Variants in TPST2 observed in about 807,000 individuals in gnomAD.
TPST2 encodes the protein protein-tyrosine sulfotransferase 2.
TPST2 carries 16 observed loss-of-function variants against 27.8 expected under a neutral mutation model. The ratio of observed to expected loss-of-function variants is 0.58; its 90% CI spans 0.39 to 0.88. The LOEUF (loss-of-function observed/expected upper bound fraction) is 0.88. Among genes scored for constraint, TPST2 ranks in the 40% least tolerant of loss-of-function variants. The pLI is 0.00. For synonymous variants in TPST2, 229 were observed against 231.7 expected (o/e 0.99, Z 0.10); for missense variants, 464 against 543.1 (o/e 0.85, Z 1.45).
At chr22:26,527,548 C>T (rs1212787686) in intron 6 of TPST2, among the ~76,000 whole-genome samples, 1 of 152,220 alleles carries the variant, frequency 6.6e-6, no homozygotes, top group Non-Finnish European at 1.5e-5. Context: ...CTTTCCCCAC[C>T]CCTTAGTAGA....
At chr22:26,588,579 T>C (rs184139081) in intron 1 of TPST2, among the ~76,000 whole-genome samples, 1 of 152,172 alleles carries the variant, frequency 6.6e-6, no homozygotes, top group Non-Finnish European at 1.5e-5. Flanking sequence ...AAAGTTTGCA[T>C]GAGATTTTTA....
At chr22:26,558,166 C>CAT (rs918285630) in intron 1 of TPST2, among the ~76,000 whole-genome samples, 2 of 143,706 alleles carry the variant, frequency 1.4e-5, no homozygotes, top group African/African-American at 2.7e-5. Flanking sequence ...CACACACACA[C>CAT]ATATATATGT....
chr22:26,568,947 T>C (rs1227052756), intron 1 of TPST2, among the ~76,000 whole-genome samples: 2 of 143,768 alleles, frequency 1.4e-5, no homozygotes, highest in African/African-American at 2.6e-5. Flanking sequence ...CACTGCAAGC[T>C]CCGCCTCCTG....
At chr22:26,583,247 C>A (rs1216647794) in intron 1 of TPST2, among the ~76,000 whole-genome samples, 1 of 151,318 alleles carries the variant, frequency 6.6e-6, no homozygotes, top group Non-Finnish European at 1.5e-5. Flanking sequence ...CCAGCCTGGC[C>A]AACAGGGTGA....
At chr22:26,565,727 A>G (rs1171432809) in intron 1 of TPST2, 1 of 152,224 alleles carries the variant, frequency 6.6e-6, no homozygotes, top group Non-Finnish European at 1.5e-5. Flanking sequence ...ACAGAAGTAA[A>G]TTTAATAACA....
chr22:26,568,134 T>C (rs1927449252), intron 1 of TPST2, among the ~76,000 whole-genome samples: 1 of 152,228 alleles, frequency 6.6e-6, no homozygotes, highest in African/African-American at 2.4e-5. Flanking sequence ...ATGATCGTAA[T>C]TGCCCCCAAC....
At chr22:26,589,695 C>T (rs1425548976) in intron 1 of TPST2, among the ~76,000 whole-genome samples, 2 of 152,160 alleles carry the variant, frequency 1.3e-5, no homozygotes, top group Non-Finnish European at 2.9e-5. Flanking sequence ...AGGTTGGGGA[C>T]TCCGGAGGCG....
At chr22:26,540,467 C>T (rs1925728787) in intron 3 of TPST2, among the ~76,000 whole-genome samples, 3 of 152,060 alleles carry the variant, frequency 2.0e-5, no homozygotes, top group Admixed American at 6.6e-5. Flanking sequence ...AGCTTGGTGG[C>T]GCATGCCTAT....
intron 1 of TPST2, among the ~76,000 whole-genome samples, chr22:26,558,417 A>G (rs1452144014): frequency 6.6e-6 from 1 of 152,194 alleles, no homozygotes; most frequent in African/African-American, 2.4e-5. Flanking sequence ...CTGCGACTAC[A>G]GGCATGAGCC....
At chr22:26,576,505 C>T (rs539900806) in intron 1 of TPST2, among the ~76,000 whole-genome samples, 10 of 151,890 alleles carry the variant, frequency 6.6e-5, no homozygotes, top group African/African-American at 1.7e-4. Flanking sequence ...CATTTTAACA[C>T]GTGCAGAAGT....
chr22:26,563,464 G>A (rs2147222308), intron 1 of TPST2, among the ~76,000 whole-genome samples: 1 of 152,004 alleles, frequency 6.6e-6, no homozygotes, highest in East Asian at 1.9e-4. Context: ...AAGTAGCTGG[G>A]ACTACAGGCA....
intron 1 of TPST2, among the ~76,000 whole-genome samples, chr22:26,587,367 T>G (rs971137425): frequency 2.0e-5 from 3 of 152,142 alleles, no homozygotes; most frequent in Non-Finnish European, 4.4e-5. Flanking sequence ...CACAGAGTCT[T>G]GCTCTGTCAC....
At chr22:26,535,901 A>G in intron 4 of TPST2, 1 of 357,680 alleles carries the variant, frequency 2.8e-6, no homozygotes, top group Non-Finnish European at 5.5e-6. Flanking sequence ...CTTATAAGAC[A>G]AGAAAGGGAC....
At chr22:26,578,522 G>A (rs1390313275) in intron 1 of TPST2, among the ~76,000 whole-genome samples, 2 of 152,192 alleles carry the variant, frequency 1.3e-5, no homozygotes, top group East Asian at 1.9e-4. Context: ...CCTCAGGACT[G>A]TGCCATGGGG....
At chr22:26,564,795 T>C (rs1927302258) in intron 1 of TPST2, among the ~76,000 whole-genome samples, 1 of 152,152 alleles carries the variant, frequency 6.6e-6, no homozygotes, top group Admixed American at 6.5e-5. Flanking sequence ...TGCTCTGCCC[T>C]TGATCGAACA....
At chr22:26,549,656 C>CAAAAAAAAAAAA (rs71192939) in intron 1 of TPST2, among the ~76,000 whole-genome samples, 44 of 58,542 alleles carry the variant, frequency 7.5e-4, no homozygotes, top group Non-Finnish European at 9.2e-4. Flanking sequence ...GACTCCGTCT[C>CAAAAAAAAAAAA]AAAAAAAAAA....
rs1180883872 is a variant in TPST2, at chr22:26,526,166, T to C, written c.*109A>G. ...CAAATACATTCCTCATCAGCAGTCCTGTTTTGGCGATTAATAGCAAGCAAT... is the reference window on the plus strand; with the variant it reads ...CAAATACATTCCTCATCAGCAGTCCCGTTTTGGCGATTAATAGCAAGCAAT... On this transcript the variant is annotated 3_prime_UTR_variant, in exon 7 of 7. Transcript: ENST00000338754. 6.6e-6 allele frequency: 1 copy of C among 152,270 alleles called. No homozygotes were observed. The highest frequency in any genetic ancestry group is 1.5e-5 in the Non-Finnish European group (1 of 68,046). The allele number at this position is 152,270 out of a possible 1,614,324, so 9.4% of individuals were successfully genotyped here.
At chr22:26,536,623 G>C in intron 3 of TPST2, 137 bp from the exon 4 acceptor site, 1 of 730,940 alleles carries the variant, frequency 1.4e-6, no homozygotes, top group Non-Finnish European at 2.1e-6. Context: ...CATCAACTGT[G>C]AGATGGCAGG....
intron 1 of TPST2, among the ~76,000 whole-genome samples, chr22:26,558,246 C>T (rs1432526047): frequency 6.6e-6 from 1 of 151,736 alleles, no homozygotes; most frequent in Non-Finnish European, 1.5e-5. Flanking sequence ...TCAAGTGATT[C>T]TCCTGCCTCA....
Sources: allele counts gnomAD v4.1 joint callset (sites outside exome capture counted in the v4.1 genomes callset), GRCh38; gene constraint gnomAD v4.1.1; transcripts MANE v1.5; gene names NCBI Gene and HGNC (gene_info 2026-07-23, HGNC 2026-07-21).